Variants in VWA3A observed in about 807,000 individuals in gnomAD.
The protein encoded by VWA3A is von Willebrand factor A domain containing 3A.
A neutral mutation model predicts 160.4 loss-of-function variants in VWA3A; 134 were observed. The observed-to-expected ratio is 0.84, with a 90% CI of 0.73 to 0.96. The LOEUF (loss-of-function observed/expected upper bound fraction) is 0.96. Among genes scored for constraint, VWA3A ranks in the 40% least tolerant of loss-of-function variants. The pLI is 0.00. For synonymous variants in VWA3A, 476 were observed against 543.4 expected (o/e 0.88, Z 1.72); for missense variants, 1,310 against 1,447.9 (o/e 0.90, Z 1.55).
chr16:22,128,974 G>A (rs545463120), intron 17 of VWA3A, among the ~76,000 whole-genome samples: 1 of 152,036 alleles, frequency 6.6e-6, no homozygotes, highest in Non-Finnish European at 1.5e-5. Context: ...TAACTGATGG[G>A]TACTAGGCTT....
intron 16 of VWA3A, 142 bp from the exon 17 acceptor site, chr16:22,126,036 C>T (rs2045842475): frequency 1.6e-6 from 2 of 1,214,386 alleles, no homozygotes; most frequent in South Asian, 1.3e-5. Context: ...CCGTTGGCCT[C>T]AAACCACAGA....
rs1286260854 is a variant in VWA3A at position 22,156,344 on chromosome 16, C to G, written c.*327C>G. 5.3e-6 allele frequency: 1 copy of G among 188,388 alleles called. No individual in the cohort carries two copies. Among genetic ancestry groups the G allele is most frequent in the African/African-American group, 2.4e-5 (1 of 41,936 alleles). 11.7% of individuals were successfully genotyped at this position (188,388 alleles called of 1,614,324 possible). Reference sequence around the variant, plus strand: ...CCCTGCCTGAACGGTGCTTCTTGCCCCCTCTGCCTGGAGACTCCTGCTCAT... The same window carrying G: ...CCCTGCCTGAACGGTGCTTCTTGCCGCCTCTGCCTGGAGACTCCTGCTCAT... On this transcript the variant is annotated 3_prime_UTR_variant, in exon 34 of 34. Transcript: ENST00000389398.
chr16:22,131,140 CAA>C, intron 17 of VWA3A, 63 bp from the exon 18 acceptor site: 2 of 1,508,804 alleles, frequency 1.3e-6, no homozygotes. Context: ...CTGCAAAGCC[CAA>C]AGAGGTGGGC....
In VWA3A at chr16:22,105,677, T is replaced by C. The variant is rs1598049683; in HGVS notation, c.483+2148T>C. Reference sequence around the variant, plus strand: ...AATATCTGGTATTACCAGGCTCCAATTGCCTCTTATGTACTTGTCCAGTTA... The same window carrying C: ...AATATCTGGTATTACCAGGCTCCAACTGCCTCTTATGTACTTGTCCAGTTA... On this transcript the variant is annotated intron_variant, in intron 6 of 33. Coordinates refer to ENST00000389398, the MANE Select transcript of VWA3A (RefSeq NM_173615.5). Among the ~76,000 whole-genome samples the C allele has an allele frequency of 4.6e-5, 7 of 152,362 alleles. No homozygotes were observed. The South Asian group carries it at 1.4e-3, about 32-fold the overall frequency.
At position 22,109,566 on chromosome 16, in the gene VWA3A, C is replaced by T; in HGVS notation, c.568C>T (p.Gln190Ter). ...CAGTGGCCCTCAGAAAGAAGAGTTC[C>T]AAAAGGACCTCATGGTAAGTCTGTC... ...ISSGPQKEEF[Q>*]KDLMSLIDEQ... The change falls in exon 7 of 34, where the codon CAA becomes TAA. Residue 190 changes from glutamine (Q) to a stop codon, truncating the protein, a stop_gained. Transcript: ENST00000389398. LOFTEE classifies it high-confidence loss of function. 1 of 1,613,596 alleles carries T rather than the reference C, an allele frequency of 6.2e-7. No individual in the cohort carries two copies. The highest frequency in any genetic ancestry group is 8.5e-7 in the Non-Finnish European group (1 of 1,179,846).
At position 22,103,557 on chromosome 16, in the gene VWA3A, C is replaced by T. The variant is rs1461827090; in HGVS notation, c.483+28C>T. 4 of 1,550,240 alleles carry T rather than the reference C, an allele frequency of 2.6e-6. No homozygotes were observed. The South Asian group carries it at 4.8e-5, about 18-fold the overall frequency. On this transcript the variant is annotated intron_variant, in intron 6 of 33. Transcript: ENST00000389398. ...AACGGGCATAGATTTCATTCTTTGCCCCCTTTCACTCATTCCATTTGTATT... is the reference window on the plus strand; with the variant it reads ...AACGGGCATAGATTTCATTCTTTGCTCCCTTTCACTCATTCCATTTGTATT...
intron 21 of VWA3A, among the ~76,000 whole-genome samples, chr16:22,137,499 C>A (rs1223424592): frequency 6.6e-6 from 1 of 152,174 alleles, no homozygotes; most frequent in Non-Finnish European, 1.5e-5. Flanking sequence ...TAGATGAGAA[C>A]CTTAAGCTCA....
intron 12 of VWA3A, among the ~76,000 whole-genome samples, chr16:22,119,246 T>TAAATA (rs1369417327): frequency 3.3e-5 from 5 of 152,186 alleles, no homozygotes; most frequent in Admixed American, 1.3e-4. Context: ...GTGGATTTAC[T>TAAATA]AACTGTAAAA....
chr16:22,132,054 C>A (rs2045958673), intron 19 of VWA3A, among the ~76,000 whole-genome samples: 1 of 152,064 alleles, frequency 6.6e-6, no homozygotes, highest in Non-Finnish European at 1.5e-5. Flanking sequence ...AACATAGCAA[C>A]AAGACCCCAT....
intron 22 of VWA3A, among the ~76,000 whole-genome samples, chr16:22,139,919 G>A (rs1270268421): frequency 6.6e-6 from 1 of 151,932 alleles, no homozygotes; most frequent in African/African-American, 2.4e-5. Flanking sequence ...ATATGCACAT[G>A]CACACACATA....
At chr16:22,123,482 T>C (rs2045783313) in intron 15 of VWA3A, 131 bp from the exon 16 acceptor site, 1 of 1,575,886 alleles carries the variant, frequency 6.3e-7, no homozygotes, top group Non-Finnish European at 8.6e-7. Context: ...AGTGGAATGA[T>C]TATACTGCCT....
chr16:22,117,846 T>C (rs2045672155), intron 11 of VWA3A, among the ~76,000 whole-genome samples: 1 of 152,168 alleles, frequency 6.6e-6, no homozygotes, highest in Admixed American at 6.5e-5. Context: ...CTGCTTTTCA[T>C]AGCAGGGAGC....
In VWA3A at chr16:22,146,240, T is replaced by A; in HGVS notation, c.2735T>A (p.Val912Glu). Residue 912 changes from valine (V) to glutamate (E), a missense_variant, in exon 27 of 34, where the codon GTG (valine) becomes GAG (glutamate). Coordinates refer to ENST00000389398, the MANE Select transcript of VWA3A (RefSeq NM_173615.5). The part of the protein sequence containing the change: ...SIFPSVEIHG[V>E]VRHIQWTPRE... ...CCTCTGCTTGCCTTAACCCAGGGAG[T>A]GGTGAGACACATCCAGTGGACGCCC... 1 of 1,612,342 alleles carries A rather than the reference T, an allele frequency of 6.2e-7. No individual in the cohort carries two copies. The highest frequency in any genetic ancestry group is 8.5e-7 in the Non-Finnish European group (1 of 1,179,234).
intron 21 of VWA3A, among the ~76,000 whole-genome samples, 162 bp downstream of exon 21, chr16:22,134,600 C>T (rs1050170312): frequency 1.8e-4 from 28 of 152,206 alleles, no homozygotes. Flanking sequence ...GCCAGGCTCC[C>T]TCTGAAGGCT....
At chr16:22,131,482 G>T in intron 18 of VWA3A, 103 bp from the exon 19 acceptor site, 1 of 1,522,928 alleles carries the variant, frequency 6.6e-7, no homozygotes, top group South Asian at 1.2e-5. Context: ...TGATGACATC[G>T]ACTCCATCAC....
At chr16:22,107,633 C>T (rs1439341882) in intron 6 of VWA3A, among the ~76,000 whole-genome samples, 1 of 152,082 alleles carries the variant, frequency 6.6e-6, no homozygotes, top group Non-Finnish European at 1.5e-5. Flanking sequence ...ATAGTCCCAG[C>T]TACTTAGGAG....
intron 11 of VWA3A, 134 bp from the exon 12 acceptor site, chr16:22,118,768 C>T: frequency 8.7e-7 from 1 of 1,150,326 alleles, no homozygotes; most frequent in Non-Finnish European, 1.2e-6. Flanking sequence ...GCACATGGGT[C>T]CCAGTGTATA....
rs766943258 is a variant in VWA3A at position 22,121,648 on chromosome 16, T to C, written c.1356+31T>C. ...TCAGATTCATAATTCTCTCCAGTCCTCCACAGGAGAGCTCCCTTGTGGCTT... is the reference window on the plus strand; with the variant it reads ...TCAGATTCATAATTCTCTCCAGTCCCCCACAGGAGAGCTCCCTTGTGGCTT... On this transcript the variant is annotated intron_variant, in intron 14 of 33. Coordinates refer to ENST00000389398, the MANE Select transcript of VWA3A (RefSeq NM_173615.5). The C allele has an allele frequency of 4.6e-6, 7 of 1,518,272 alleles. No individual in the cohort carries two copies. In the Admixed American group the frequency reaches 1.2e-4, roughly 25 times the overall value. 94.1% of individuals were successfully genotyped at this position (1,518,272 alleles called of 1,614,324 possible).
intron 1 of VWA3A, among the ~76,000 whole-genome samples, chr16:22,096,075 T>C (rs902113498): frequency 3.9e-5 from 6 of 152,120 alleles, no homozygotes; most frequent in African/African-American, 1.4e-4. Flanking sequence ...GGTTGTCACA[T>C]TGGGAAAAAG....
Sources: gnomAD v4.1 joint callset for allele counts (sites outside exome capture counted in the v4.1 genomes callset) on GRCh38, gnomAD v4.1.1 for gene constraint, MANE v1.5 for transcripts, NCBI Gene and HGNC (gene_info 2026-07-23, HGNC 2026-07-21) for gene names.